KCNQ3: variants seen among roughly 807,000 people sequenced by gnomAD.
KCNQ3 encodes the protein potassium voltage-gated channel subfamily KQT member 3.
Under a neutral mutation model 92.5 loss-of-function variants are expected in KCNQ3, and 30 were observed. The ratio of observed to expected loss-of-function variants is 0.32; its 90% CI spans 0.24 to 0.44. The LOEUF (loss-of-function observed/expected upper bound fraction) is 0.44. Among genes scored for constraint, KCNQ3 ranks in the 20% least tolerant of loss-of-function variants. The pLI, the probability that KCNQ3 is intolerant of heterozygous loss-of-function variation, is 1.00. For synonymous variants in KCNQ3, 450 were observed against 468.8 expected, an observed-to-expected ratio of 0.96 and a Z score of 0.52; for missense variants, 913 against 1,140.3, an observed-to-expected ratio of 0.80 and a Z score of 2.87.
intron 9 of KCNQ3, among the ~76,000 whole-genome samples, chr8:132,155,500 G>A (rs6651259): frequency 0.48 from 72,775 of 151,920 alleles, 17,641 homozygotes; most frequent in Non-Finnish European, 0.51. Flanking sequence ...CATGGGCCAG[G>A]CTCTATTCTA....
chr8:132,243,730 A>G (rs1311584670), intron 1 of KCNQ3, among the ~76,000 whole-genome samples: 1 of 152,218 alleles, frequency 6.6e-6, no homozygotes, highest in Non-Finnish European at 1.5e-5. Context: ...AGCAAGGTAA[A>G]GTATCTAATG....
At chr8:132,278,279 T>A in intron 1 of KCNQ3, 1 of 881,476 alleles carries the variant, frequency 1.1e-6, no homozygotes, top group African/African-American at 1.8e-5. Context: ...GGGTTGCAAT[T>A]TAGACTGTGC....
At chr8:132,283,889 A>G (rs1816604832) in intron 1 of KCNQ3, among the ~76,000 whole-genome samples, 1 of 152,230 alleles carries the variant, frequency 6.6e-6, no homozygotes, top group South Asian at 2.1e-4. Context: ...TGGAACCCCA[A>G]TCTTTTTATT....
chr8:132,302,277 C>T (rs1817238946), intron 1 of KCNQ3, among the ~76,000 whole-genome samples: 4 of 152,204 alleles, frequency 2.6e-5, no homozygotes, highest in Admixed American at 2.0e-4. Flanking sequence ...TAGTTTAAGA[C>T]ACTAGATATT....
chr8:132,379,772 C>A (rs1470981800), intron 1 of KCNQ3, among the ~76,000 whole-genome samples: 2 of 151,976 alleles, frequency 1.3e-5, no homozygotes, highest in Non-Finnish European at 2.9e-5. Flanking sequence ...GTTCAGGAGA[C>A]AAAGACATGG....
chr8:132,129,049 A>C lies in KCNQ3; in HGVS notation c.*213T>G. On this transcript the variant is annotated 3_prime_UTR_variant, in exon 15 of 15. Transcript: ENST00000388996. The surrounding 1 kb of genome is among the most constrained non-coding windows in gnomAD (Gnocchi z 5.9). ...TAGCGGAACCATTTATATAGTGTAA[A>C]GTCATGCAAACCATGCTGAAAAGGA... The C allele has an allele frequency of 1.7e-6, 1 of 603,774 alleles. No individual in the cohort carries two copies. Among genetic ancestry groups the C allele is most frequent in the Middle Eastern group, 4.4e-4 (1 of 2,280 alleles). The allele number at this position is 603,774 out of a possible 1,614,324, so 37.4% of individuals were successfully genotyped here. A position where few individuals can be genotyped will look rare whatever the true frequency, so the allele number is the denominator to read the frequency against.
chr8:132,451,201 A>ATGTTGTCT (rs1821811544), intron 1 of KCNQ3, among the ~76,000 whole-genome samples: 1 of 152,110 alleles, frequency 6.6e-6, no homozygotes, highest in Non-Finnish European at 1.5e-5. Flanking sequence ...TCCCCTGCAC[A>ATGTTGTCT]TGCTGTCTTG....
chr8:132,341,158 T>A (rs141991707), intron 1 of KCNQ3, among the ~76,000 whole-genome samples: 29 of 152,304 alleles, frequency 1.9e-4, no homozygotes. Context: ...CAGAAAACTA[T>A]GCCAGCCAGA....
At chr8:132,407,733 C>T (rs1177019519) in intron 1 of KCNQ3, among the ~76,000 whole-genome samples, 4 of 152,208 alleles carry the variant, frequency 2.6e-5, no homozygotes, top group Non-Finnish European at 5.9e-5. Context: ...TCCTCAACTA[C>T]CTGAACAGTT....
intron 1 of KCNQ3, among the ~76,000 whole-genome samples, chr8:132,354,612 G>T (rs974026608): frequency 6.6e-6 from 1 of 152,158 alleles, no homozygotes; most frequent in Non-Finnish European, 1.5e-5. Context: ...CTTCCCACCT[G>T]CTTCTCAGAC....
intron 1 of KCNQ3, among the ~76,000 whole-genome samples, chr8:132,469,997 T>C (rs961932977): frequency 1.3e-5 from 2 of 152,178 alleles, no homozygotes; most frequent in African/African-American, 2.4e-5. Context: ...GTCAGCGATG[T>C]TTCCTTTCCC....
In KCNQ3 at chr8:132,281,800, G is replaced by T. The variant is rs1280628841; in HGVS notation, c.387-95619C>A. Among the ~76,000 whole-genome samples the T allele has an allele frequency of 1.1e-4, 16 of 152,294 alleles. No individual in the cohort carries two copies. The East Asian group carries it at 3.1e-3, about 29-fold the overall frequency. ...TTCAGATGCTCAAAACCCTGCAGTG[G>T]CTTTCACTGCCTACGGGGTGGAGCC... On this transcript the variant is annotated intron_variant, in intron 1 of 14. Transcript: ENST00000388996.
intron 1 of KCNQ3, among the ~76,000 whole-genome samples, chr8:132,267,897 G>A (rs940256087): frequency 6.6e-6 from 1 of 152,058 alleles, no homozygotes; most frequent in African/African-American, 2.4e-5. Context: ...AACTAGCATG[G>A]CACAATTGTT....
At chr8:132,467,685 G>C (rs1490922707) in intron 1 of KCNQ3, among the ~76,000 whole-genome samples, 1 of 152,272 alleles carries the variant, frequency 6.6e-6, no homozygotes, top group Non-Finnish European at 1.5e-5. Flanking sequence ...AGAAAATGTG[G>C]CCCTGAGTGG....
At chr8:132,299,988 G>T (rs545896978) in intron 1 of KCNQ3, among the ~76,000 whole-genome samples, 1 of 152,282 alleles carries the variant, frequency 6.6e-6, no homozygotes, top group South Asian at 2.1e-4. Flanking sequence ...AGCACCTCTG[G>T]TGGGAGATTG....
At chr8:132,300,890 C>G (rs527668850) in intron 1 of KCNQ3, among the ~76,000 whole-genome samples, 1 of 152,216 alleles carries the variant, frequency 6.6e-6, no homozygotes, top group South Asian at 2.1e-4. Flanking sequence ...GATGAATGAG[C>G]AGTTTGTCAT....
At chr8:132,367,125 A>T (rs551839530) in intron 1 of KCNQ3, among the ~76,000 whole-genome samples, 44 of 152,338 alleles carry the variant, frequency 2.9e-4, no homozygotes, top group Admixed American at 2.7e-3. Flanking sequence ...GAGAACTCTG[A>T]TTCTGAGGCT....
At chr8:132,375,000 G>A (rs534184132) in intron 1 of KCNQ3, among the ~76,000 whole-genome samples, 1 of 152,256 alleles carries the variant, frequency 6.6e-6, no homozygotes, top group East Asian at 1.9e-4. Flanking sequence ...ATGTGTACAT[G>A]TCTTTGTGGT....
intron 1 of KCNQ3, among the ~76,000 whole-genome samples, chr8:132,205,530 A>G (rs892867218): frequency 2.6e-5 from 4 of 152,218 alleles, no homozygotes; most frequent in African/African-American, 9.6e-5. Flanking sequence ...CACTAAACTA[A>G]AAGCAGTGCA....
Sources: allele counts gnomAD v4.1 joint callset (sites outside exome capture counted in the v4.1 genomes callset), GRCh38; gene constraint gnomAD v4.1.1; non-coding constraint Gnocchi (gnomAD v3.1); transcripts MANE v1.5; gene names NCBI Gene and HGNC (gene_info 2026-07-23, HGNC 2026-07-21).